PTPRD: variants seen among roughly 807,000 people sequenced by gnomAD.
PTPRD encodes the protein receptor-type tyrosine-protein phosphatase delta.
PTPRD carries 34 observed loss-of-function variants against 214.5 expected under a neutral mutation model. That is an observed-to-expected ratio of 0.16 (90% CI 0.12 to 0.21). PTPRD has a LOEUF of 0.21. Among genes scored for constraint, PTPRD ranks in the 10% least tolerant of loss-of-function variants. The pLI is 1.00. For synonymous variants in PTPRD, 1,128 were observed against 845.7 expected, an observed-to-expected ratio of 1.33 and a Z score of -5.79; for missense variants, 2,545 against 2,398.7, an observed-to-expected ratio of 1.06 and a Z score of -1.27.
At chr9:10,470,421 CCTT>C (rs1213879108) in intron 2 of PTPRD, among the ~76,000 whole-genome samples, 2 of 151,894 alleles carry the variant, frequency 1.3e-5, no homozygotes, top group Non-Finnish European at 2.9e-5. Flanking sequence ...TTTATAAAAA[CCTT>C]CTAAGAAAAA....
At chr9:9,723,508 G>A (rs575783232) in intron 7 of PTPRD, among the ~76,000 whole-genome samples, 2 of 151,912 alleles carry the variant, frequency 1.3e-5, no homozygotes, top group South Asian at 2.1e-4. Context: ...GGCTATTCTG[G>A]GTCCTTGACA....
At chr9:10,310,723 T>C (rs908614673) in intron 3 of PTPRD, among the ~76,000 whole-genome samples, 5 of 152,114 alleles carry the variant, frequency 3.3e-5, no homozygotes, top group Admixed American at 6.6e-5. Flanking sequence ...GCCTTTGGTA[T>C]ATGTATGCAT....
intron 4 of PTPRD, among the ~76,000 whole-genome samples, chr9:9,963,089 T>C (rs771165233): frequency 2.0e-5 from 3 of 152,080 alleles, no homozygotes; most frequent in African/African-American, 7.2e-5. Flanking sequence ...AGCCAGATAA[T>C]TTGACTTTAG....
chr9:10,248,549 C>T (rs1170074741), intron 3 of PTPRD, among the ~76,000 whole-genome samples: 1 of 130,104 alleles, frequency 7.7e-6, no homozygotes, highest in East Asian at 2.2e-4. Flanking sequence ...AGCGAGAAAC[C>T]AAAATGATAG....
At chr9:9,020,017 C>T (rs1196509266) in intron 10 of PTPRD, among the ~76,000 whole-genome samples, 1 of 151,958 alleles carries the variant, frequency 6.6e-6, no homozygotes, top group African/African-American at 2.4e-5. Flanking sequence ...TTACATAAAG[C>T]TGATCAGTGG....
At chr9:8,345,233 A>T (rs751769511) in intron 39 of PTPRD, among the ~76,000 whole-genome samples, 1 of 151,990 alleles carries the variant, frequency 6.6e-6, no homozygotes, top group Non-Finnish European at 1.5e-5. Flanking sequence ...GCATTCAGTA[A>T]ATGTTGGTTT....
At chr9:8,909,434 A>G (rs541023840) in intron 11 of PTPRD, among the ~76,000 whole-genome samples, 94 of 152,272 alleles carry the variant, frequency 6.2e-4, no homozygotes, top group African/African-American at 2.2e-3. Flanking sequence ...TTTAACATAC[A>G]AGGTTGGTTT....
At chr9:9,554,875 C>T (rs559461329) in intron 8 of PTPRD, among the ~76,000 whole-genome samples, 1 of 152,116 alleles carries the variant, frequency 6.6e-6, no homozygotes, top group African/African-American at 2.4e-5. Flanking sequence ...ACTGCATATT[C>T]AATTATTCAA....
chr9:9,819,080 T>C (rs1334911527), intron 5 of PTPRD, among the ~76,000 whole-genome samples: 2 of 152,130 alleles, frequency 1.3e-5, no homozygotes, highest in Non-Finnish European at 2.9e-5. Context: ...AGGTAGCATA[T>C]ATTTGAATAA....
intron 7 of PTPRD, among the ~76,000 whole-genome samples, chr9:9,607,085 G>T (rs1457117108): frequency 2.0e-5 from 3 of 149,828 alleles, no homozygotes; most frequent in Admixed American, 6.7e-5. Context: ...AAAGCACGTG[G>T]CCTGTAACAC....
chr9:8,427,648 C>T (rs1007684119), intron 35 of PTPRD, among the ~76,000 whole-genome samples: 1 of 151,902 alleles, frequency 6.6e-6, no homozygotes, highest in East Asian at 1.9e-4. Flanking sequence ...CCATTTCTTT[C>T]AGTCTTTTAT....
At chr9:8,697,605 T>C (rs1241980674) in intron 12 of PTPRD, among the ~76,000 whole-genome samples, 1 of 151,682 alleles carries the variant, frequency 6.6e-6, no homozygotes, top group Non-Finnish European at 1.5e-5. Flanking sequence ...GTATTTTTAG[T>C]AGAGATGAGT....
intron 12 of PTPRD, chr9:8,700,627 A>G (rs1330572138): frequency 6.6e-6 from 1 of 152,218 alleles, no homozygotes; most frequent in African/African-American, 2.4e-5. Context: ...GAAGCACACA[A>G]AAGAGAAAAA....
At chr9:9,060,967 C>A (rs1447601573) in intron 10 of PTPRD, among the ~76,000 whole-genome samples, 1 of 152,148 alleles carries the variant, frequency 6.6e-6, no homozygotes, top group Non-Finnish European at 1.5e-5. Context: ...TGGAATCTCA[C>A]AATCAGAATG....
At chr9:8,724,986 T>C (rs2098542196) in intron 12 of PTPRD, among the ~76,000 whole-genome samples, 1 of 152,124 alleles carries the variant, frequency 6.6e-6, no homozygotes. Flanking sequence ...TAAAAACTGG[T>C]AAAATCTAAA....
chr9:9,154,406 G>T (rs562247463), intron 10 of PTPRD, among the ~76,000 whole-genome samples: 99 of 125,482 alleles, frequency 7.9e-4, no homozygotes, highest in African/African-American at 3.3e-3. Flanking sequence ...CCTGGTGTAG[G>T]CTCTCTTTCT....
At chr9:9,075,761 T>A (rs976776261) in intron 10 of PTPRD, among the ~76,000 whole-genome samples, 2 of 152,206 alleles carry the variant, frequency 1.3e-5, no homozygotes, top group African/African-American at 4.8e-5. Flanking sequence ...TATGGCTGCA[T>A]AGTATTCCAT....
intron 8 of PTPRD, among the ~76,000 whole-genome samples, chr9:9,414,293 T>C (rs1318711576): frequency 1.3e-5 from 2 of 152,228 alleles, no homozygotes; most frequent in Non-Finnish European, 2.9e-5. Flanking sequence ...TCTCACTGTG[T>C]TCAGTCAGGT....
chr9:8,332,113 T>TGGAACATATATATTCC (rs1842022347), intron 43 of PTPRD, among the ~76,000 whole-genome samples: 1 of 152,042 alleles, frequency 6.6e-6, no homozygotes, highest in African/African-American at 2.4e-5. Context: ...ACATATAAAA[T>TGGAACATATATATTCC]GGAACATATA....
Sources: allele counts gnomAD v4.1 joint callset (sites outside exome capture counted in the v4.1 genomes callset), GRCh38; gene constraint gnomAD v4.1.1; transcripts MANE v1.5; gene names NCBI Gene and HGNC (gene_info 2026-07-23, HGNC 2026-07-21).